EPSTI1: variants seen among roughly 807,000 people sequenced by gnomAD.
The protein encoded by EPSTI1 is epithelial stromal interaction 1.
Under a neutral mutation model 49.9 loss-of-function variants are expected in EPSTI1, and 66 were observed. The observed-to-expected ratio is 1.32, with a 90% confidence interval of 1.08 to 1.62. The LOEUF is 1.62. Among genes scored for constraint, EPSTI1 ranks in the 40% most tolerant of loss-of-function variants. The pLI is 0.00. For synonymous variants in EPSTI1, 137 were observed against 130.7 expected (o/e 1.05, Z -0.33); for missense variants, 394 against 365.5 (o/e 1.08, Z -0.64).
chr13:42,937,425 C>T (rs550285301), intron 6 of EPSTI1, among the ~76,000 whole-genome samples: 9 of 152,246 alleles, frequency 5.9e-5, no homozygotes, highest in East Asian at 5.8e-4. Flanking sequence ...CATGCAATGC[C>T]GTTTGACAGC....
Position 42,930,631 on chromosome 13 carries a change from C to A in EPSTI1, c.564-4202G>T, listed in dbSNP as rs529919863. Among the ~76,000 whole-genome samples the A allele has an allele frequency of 2.6e-4, 39 of 152,306 alleles. 1 individual carries two copies. The South Asian group carries it at 6.0e-3, about 23-fold the overall frequency. ...ACTATTGCATACACTTTACAGAATT[C>A]TTTCCCTTCATTTATCTGGTCTTTA... is the stretch of plus-strand genomic sequence containing the variant. On this transcript the variant is annotated intron_variant, in intron 6 of 10. Transcript: ENST00000313624.
At chr13:42,991,907 C>G in intron 1 of EPSTI1, 71 bp downstream of exon 1, 1 of 1,565,612 alleles carries the variant, frequency 6.4e-7, no homozygotes, top group Admixed American at 1.7e-5. Flanking sequence ...CTCCAAGGAC[C>G]AAGGTGCTTG....
rs2037869567 is a variant in EPSTI1, at chr13:42,917,621, T to C, written c.661A>G (p.Arg221Gly). 4.4e-6 allele frequency: 3 copies of C among 677,318 alleles called. No homozygotes were observed. The highest frequency in any genetic ancestry group is 8.8e-5 in the East Asian group (2 of 22,698). 42.0% of individuals were successfully genotyped at this position (677,318 alleles called of 1,614,324 possible). ...AGAGAATCTCTGTAAGCCCAGCTTC[T>C]GGCCTGTAAAGGTACAAAGAGAAAA... ...VCGPQSSTWA[R>G]SWAYRDSLKA... Residue 221 changes from arginine to glycine, a missense_variant, in exon 8 of 11, where the codon AGA (arginine) becomes GGA (glycine). By Grantham distance (125) the Arg-to-Gly change is moderately radical. Transcript: ENST00000313624.
At chr13:42,961,784 G>A (rs61580413) in intron 5 of EPSTI1, among the ~76,000 whole-genome samples, 2,505 of 152,312 alleles carry the variant, frequency 0.016, 75 homozygotes, top group African/African-American at 0.057. Context: ...GAAGACCAGA[G>A]ACAAGGCTAG....
intron 8 of EPSTI1, among the ~76,000 whole-genome samples, chr13:42,916,356 C>T (rs538609467): frequency 6.6e-6 from 1 of 151,610 alleles, no homozygotes; most frequent in Admixed American, 6.6e-5. Flanking sequence ...ATTTACAACT[C>T]GCATGATTTC....
chr13:42,933,853 C>CT (rs2038465279), intron 6 of EPSTI1: 1 of 152,802 alleles, frequency 6.5e-6, no homozygotes, highest in Non-Finnish European at 1.5e-5. Flanking sequence ...GGAATACCCC[C>CT]CTGCATGGAC....
intron 7 of EPSTI1, among the ~76,000 whole-genome samples, chr13:42,925,671 C>A (rs1030408380): frequency 2.6e-5 from 4 of 152,230 alleles, no homozygotes; most frequent in Admixed American, 6.5e-5. Flanking sequence ...AACTCTTCTT[C>A]CGCAACACAA....
chr13:42,942,968 G>A (rs1022072938), intron 6 of EPSTI1, among the ~76,000 whole-genome samples: 1 of 152,078 alleles, frequency 6.6e-6, no homozygotes, highest in Non-Finnish European at 1.5e-5. Flanking sequence ...GATTACAGGC[G>A]TGAGCCACCG....
At chr13:42,896,158 C>T (rs897623338) in intron 9 of EPSTI1, among the ~76,000 whole-genome samples, 1 of 152,124 alleles carries the variant, frequency 6.6e-6, no homozygotes, top group African/African-American at 2.4e-5. Flanking sequence ...TGTCTCTCAA[C>T]AACTTTAGGT....
At chr13:42,907,438 T>G (rs1193192173) in intron 8 of EPSTI1, among the ~76,000 whole-genome samples, 4 of 152,250 alleles carry the variant, frequency 2.6e-5, no homozygotes, top group African/African-American at 9.6e-5. Context: ...ATAAACAACC[T>G]TGTACAAATA....
At chr13:42,898,691 C>T (rs1223100662) in intron 9 of EPSTI1, among the ~76,000 whole-genome samples, 1 of 152,044 alleles carries the variant, frequency 6.6e-6, no homozygotes, top group Non-Finnish European at 1.5e-5. Flanking sequence ...TTATCTTTTC[C>T]ACCTCTAATC....
chr13:42,961,920 C>T (rs914410667), intron 5 of EPSTI1, among the ~76,000 whole-genome samples: 1 of 152,164 alleles, frequency 6.6e-6, no homozygotes, highest in African/African-American at 2.4e-5. Flanking sequence ...GTTTGCTGTG[C>T]ATTTTAAAAT....
At chr13:42,991,886 G>A in intron 1 of EPSTI1, 92 bp downstream of exon 1, 1 of 1,407,192 alleles carries the variant, frequency 7.1e-7, no homozygotes, top group Non-Finnish European at 1.0e-6. Context: ...TTGGGCCCCT[G>A]TGGTTTTAAA....
At chr13:42,925,740 C>A (rs1050596858) in intron 7 of EPSTI1, among the ~76,000 whole-genome samples, 1 of 152,192 alleles carries the variant, frequency 6.6e-6, no homozygotes, top group Non-Finnish European at 1.5e-5. Context: ...TTTATTAATT[C>A]TGATACCTGG....
chr13:42,932,530 G>A lies in EPSTI1; in HGVS notation c.564-6101C>T, dbSNP rs559986838. The stretch of plus-strand genomic sequence containing the variant: ...CTTTCCAAGGGGGCAAAAGTCTCTC[G>A]ATCTTTATCCAAGAGTTAACAACTC... On this transcript the variant is annotated intron_variant, in intron 6 of 10. Coordinates refer to ENST00000313624, the MANE Select transcript of EPSTI1 (RefSeq NM_033255.5). Among the ~76,000 whole-genome samples, 6 of 151,282 alleles carry A rather than the reference G, an allele frequency of 4.0e-5. No individual in the cohort carries two copies. The South Asian group carries it at 8.4e-4, about 21-fold the overall frequency.
intron 6 of EPSTI1, among the ~76,000 whole-genome samples, chr13:42,937,913 A>G (rs2038618097): frequency 6.6e-6 from 1 of 152,168 alleles, no homozygotes. Flanking sequence ...CAGAAGAATC[A>G]CCATCTATAG....
At chr13:42,955,505 C>T (rs2039230103) in intron 5 of EPSTI1, among the ~76,000 whole-genome samples, 1 of 152,104 alleles carries the variant, frequency 6.6e-6, no homozygotes, top group Admixed American at 6.6e-5. Flanking sequence ...TTTTATCCAA[C>T]AAAAGTCTGT....
intron 10 of EPSTI1, among the ~76,000 whole-genome samples, chr13:42,890,189 A>T (rs2036987933): frequency 6.6e-6 from 1 of 151,982 alleles, no homozygotes. Context: ...ATTTATGTGA[A>T]TCTATAGCTT....
rs771486075 is a variant in EPSTI1 at position 42,970,633 on chromosome 13, G to T, written c.226C>A (p.Arg76=). Residue 76 remains arginine (R), a synonymous_variant, in exon 2 of 11, where the codon CGG becomes AGG. Transcript: ENST00000313624. ...ATACTTCTTTGTATCTCATTTCTCC[G>T]GTTTATATTTGGTGCTATCAAGGTG... ...AYTLIAPNIN[R]RNEIQRIAEQ... 5 of 1,609,740 alleles carry T rather than the reference G, an allele frequency of 3.1e-6. No homozygotes were observed. Among genetic ancestry groups the T allele is most frequent in the Admixed American group, 1.7e-5 (1 of 59,476 alleles).
Sources: allele counts gnomAD v4.1 joint callset (sites outside exome capture counted in the v4.1 genomes callset), GRCh38; gene constraint gnomAD v4.1.1; transcripts MANE v1.5; gene names NCBI Gene and HGNC (gene_info 2026-07-23, HGNC 2026-07-21).